PPP2R3A: variants seen among roughly 807,000 people sequenced by gnomAD.
PPP2R3A encodes the protein protein phosphatase 2 regulatory subunit B''alpha.
PPP2R3A carries 80 observed loss-of-function variants against 106.9 expected under a neutral mutation model. The ratio of observed to expected loss-of-function variants is 0.75; its 90% CI spans 0.62 to 0.90. The LOEUF is 0.90. PPP2R3A is among the 40% of genes least tolerant of loss of function. PPP2R3A has a pLI of 0.00. For synonymous variants in PPP2R3A, 483 were observed against 468.3 expected (o/e 1.03, Z -0.41); for missense variants, 1,386 against 1,350.4 (o/e 1.03, Z -0.41).
At chr3:136,068,002 A>G (rs549861884) in intron 5 of PPP2R3A, among the ~76,000 whole-genome samples, 1 of 152,200 alleles carries the variant, frequency 6.6e-6, no homozygotes, top group Non-Finnish European at 1.5e-5. Context: ...AGGCAGGCAG[A>G]TCGCTTGAGC....
At chr3:136,016,263 A>G (rs1934264380) in intron 2 of PPP2R3A, among the ~76,000 whole-genome samples, 1 of 152,052 alleles carries the variant, frequency 6.6e-6, no homozygotes, top group Non-Finnish European at 1.5e-5. Context: ...AGAATGTTCC[A>G]TGTGCTGATG....
intron 13 of PPP2R3A, among the ~76,000 whole-genome samples, chr3:136,143,640 A>C (rs1296969945): frequency 6.6e-6 from 1 of 151,624 alleles, no homozygotes; most frequent in Non-Finnish European, 1.5e-5. Context: ...AAATACAAAA[A>C]TTACCCGGGC....
chr3:136,142,484 A>G (rs1576343951), intron 13 of PPP2R3A, among the ~76,000 whole-genome samples: 1 of 152,326 alleles, frequency 6.6e-6, no homozygotes, highest in South Asian at 2.1e-4. Context: ...TTATTCAAAA[A>G]TGACATACAC....
chr3:136,132,426 C>G (rs1938462606), intron 13 of PPP2R3A, among the ~76,000 whole-genome samples: 1 of 152,048 alleles, frequency 6.6e-6, no homozygotes, highest in African/African-American at 2.4e-5. Flanking sequence ...TCTCAGAATA[C>G]AAGCTCAATA....
chr3:136,013,920 G>A (rs985483336), intron 2 of PPP2R3A, among the ~76,000 whole-genome samples: 18 of 151,996 alleles, frequency 1.2e-4, no homozygotes, highest in African/African-American at 4.1e-4. Flanking sequence ...CACCTAAGCC[G>A]ATGTCTAGAA....
chr3:136,051,661 A>C (rs943427399), intron 5 of PPP2R3A, among the ~76,000 whole-genome samples: 3 of 152,176 alleles, frequency 2.0e-5, no homozygotes, highest in African/African-American at 7.2e-5. Context: ...ATTTTTGCTG[A>C]AATATAATCA....
intron 13 of PPP2R3A, among the ~76,000 whole-genome samples, chr3:136,114,930 G>A (rs1937685282): frequency 6.6e-6 from 1 of 152,130 alleles, no homozygotes. Context: ...GTTTGAGACT[G>A]CCTCCTCAAG....
intron 6 of PPP2R3A, 28 bp downstream of exon 6, chr3:136,070,580 ATAACTCC>A: frequency 1.3e-6 from 2 of 1,565,960 alleles, no homozygotes; most frequent in Non-Finnish European, 1.7e-6. Flanking sequence ...TTTTCTTAAT[ATAACTCC>A]ATAAGTCACC....
At chr3:136,005,792 G>C (rs1373213555) in intron 2 of PPP2R3A, among the ~76,000 whole-genome samples, 2 of 152,086 alleles carry the variant, frequency 1.3e-5, no homozygotes, top group African/African-American at 2.4e-5. Context: ...ACATTTAAAG[G>C]TATTATCTCA....
At chr3:136,024,535 C>G (rs1162828641) in intron 2 of PPP2R3A, among the ~76,000 whole-genome samples, 2 of 152,098 alleles carry the variant, frequency 1.3e-5, no homozygotes, top group Non-Finnish European at 2.9e-5. Flanking sequence ...GATATTTTCC[C>G]ATTCAAATAA....
rs992216120 is a variant in PPP2R3A, at chr3:136,101,969, T to A, written c.2928-38T>A. ...CTAAATCTGGATAAATAAAAGGTCT[T>A]TACCAGGCCCATGATAATGATTGTC... On this transcript the variant is annotated intron_variant, in intron 10 of 13. Coordinates refer to ENST00000264977, the MANE Select transcript of PPP2R3A (RefSeq NM_002718.5). 4 of 1,584,658 alleles carry A rather than the reference T, an allele frequency of 2.5e-6. No individual in the cohort carries two copies. In the Admixed American group the frequency reaches 5.1e-5, roughly 20 times the overall value.
chr3:136,122,788 T>C (rs1021673923), intron 13 of PPP2R3A, among the ~76,000 whole-genome samples: 1 of 152,156 alleles, frequency 6.6e-6, no homozygotes, highest in African/African-American at 2.4e-5. Flanking sequence ...ATTATGTAAA[T>C]TGTCAAATCT....
At chr3:135,982,942 A>G (rs1937558379) in intron 1 of PPP2R3A, among the ~76,000 whole-genome samples, 1 of 152,124 alleles carries the variant, frequency 6.6e-6, no homozygotes, top group African/African-American at 2.4e-5. Flanking sequence ...ATAACTTTTT[A>G]CCTGCATTTG....
At chr3:136,114,134 G>C (rs573320014) in intron 13 of PPP2R3A, among the ~76,000 whole-genome samples, 1 of 152,220 alleles carries the variant, frequency 6.6e-6, no homozygotes, top group South Asian at 2.1e-4. Flanking sequence ...AGCAGGGTGG[G>C]GCATCGCCTC....
rs59086929 is a variant in PPP2R3A, at chr3:136,137,534, A to ATTTTTTTTT, written c.3330-7492_3330-7484dup. The stretch of plus-strand genomic sequence containing the variant: ...AAATATATGAATTACTCTGTCAGAG[A>ATTTTTTTTT]TTTTTTTTTTTTTTTTTTTTTTTTT... On this transcript the variant is annotated intron_variant, in intron 13 of 13. Coordinates refer to ENST00000264977, the MANE Select transcript of PPP2R3A (RefSeq NM_002718.5). Among the ~76,000 whole-genome samples the ATTTTTTTTT allele has an allele frequency of 6.0e-3, 244 of 40,530 alleles. 68 individuals are homozygous for ATTTTTTTTT. The highest frequency in any genetic ancestry group is 0.017 in the African/African-American group (210 of 12,332). 26.6% of individuals were successfully genotyped at this position (40,530 alleles called of 152,430 possible).
chr3:136,096,347 A>G (rs1937215599), intron 10 of PPP2R3A, among the ~76,000 whole-genome samples: 1 of 152,228 alleles, frequency 6.6e-6, no homozygotes, highest in South Asian at 2.1e-4. Flanking sequence ...AAAAAAAGTA[A>G]TACATTCACT....
chr3:136,023,695 CT>C (rs1934546851), intron 2 of PPP2R3A, among the ~76,000 whole-genome samples: 1 of 151,944 alleles, frequency 6.6e-6, no homozygotes, highest in African/African-American at 2.4e-5. Context: ...ACGTATTTGT[CT>C]ATATAGACAA....
At chr3:136,138,587 A>G (rs1477352592) in intron 13 of PPP2R3A, among the ~76,000 whole-genome samples, 2 of 151,458 alleles carry the variant, frequency 1.3e-5, no homozygotes, top group Non-Finnish European at 2.9e-5. Context: ...CAGCTAATCC[A>G]TTTTATATAA....
intron 13 of PPP2R3A, among the ~76,000 whole-genome samples, chr3:136,111,326 GTC>G (rs1386258204): frequency 6.6e-6 from 1 of 152,078 alleles, no homozygotes; most frequent in Non-Finnish European, 1.5e-5. Context: ...GTTAAAGTAT[GTC>G]TGTTAAAAAT....
Sources: allele counts gnomAD v4.1 joint callset (sites outside exome capture counted in the v4.1 genomes callset), GRCh38; gene constraint gnomAD v4.1.1; transcripts MANE v1.5; gene names NCBI Gene and HGNC (gene_info 2026-07-23, HGNC 2026-07-21).